The following ME3 variants were observed in gnomAD, a reference collection of about 807,000 sequenced individuals.
ME3 encodes the protein NADP-dependent malic enzyme, mitochondrial.
In ME3, 48 loss-of-function variants were observed where a neutral mutation model predicts 68.9. The observed-to-expected ratio is 0.70, with a 90% CI of 0.55 to 0.89. ME3 has a LOEUF of 0.89. ME3 is among the 40% of genes least tolerant of loss of function. The pLI is 0.00. For synonymous variants in ME3, 320 were observed against 318.8 expected (o/e 1.00, Z -0.04); for missense variants, 675 against 797.4 (o/e 0.85, Z 1.85).
chr11:86,579,569 C>T (rs2139599928), intron 2 of ME3, among the ~76,000 whole-genome samples: 1 of 152,338 alleles, frequency 6.6e-6, no homozygotes, highest in East Asian at 1.9e-4. Flanking sequence ...AGGCCATTAC[C>T]AGATGCTGAG....
rs148805532 is a variant in ME3 at position 86,524,318 on chromosome 11, T to C, written c.468-15451A>G. Among the ~76,000 whole-genome samples the C allele has an allele frequency of 1.9e-3, 284 of 152,312 alleles. 7 individuals carry two copies. The highest frequency in any genetic ancestry group is 3.4e-3 in the Middle Eastern group (1 of 294). On this transcript the variant is annotated intron_variant, in intron 4 of 14. Coordinates refer to ENST00000543262, the Ensembl canonical transcript of ME3. ...CCCCCTGACTCAGAGGCGCAGCCAA[T>C]GAGTCATTTATTTACATGTAACTAC...
intron 2 of ME3, among the ~76,000 whole-genome samples, chr11:86,666,017 G>T (rs1269278290): frequency 6.6e-6 from 1 of 152,190 alleles, no homozygotes; most frequent in Non-Finnish European, 1.5e-5. Context: ...AATTTTTAAA[G>T]GCTGGGGTAA....
chr11:86,551,792 C>T (rs904926616), intron 4 of ME3, among the ~76,000 whole-genome samples: 2 of 152,194 alleles, frequency 1.3e-5, no homozygotes, highest in Admixed American at 6.5e-5. Context: ...CAGCTTGGCT[C>T]AGGGCCAAGG....
chr11:86,609,199 A>G (rs1181855318), intron 2 of ME3, among the ~76,000 whole-genome samples: 1 of 152,222 alleles, frequency 6.6e-6, no homozygotes, highest in Non-Finnish European at 1.5e-5. Flanking sequence ...CTTTCTCATC[A>G]GAGGTGCAGG....
chr11:86,546,481 C>G (rs1276937617), intron 4 of ME3, among the ~76,000 whole-genome samples: 1 of 152,164 alleles, frequency 6.6e-6, no homozygotes, highest in Non-Finnish European at 1.5e-5. Flanking sequence ...AATAAACAGA[C>G]AACCCCATCA....
chr11:86,550,686 T>C (rs1956620954), intron 4 of ME3, among the ~76,000 whole-genome samples: 1 of 152,082 alleles, frequency 6.6e-6, no homozygotes, highest in Non-Finnish European at 1.5e-5. Context: ...AGTCCTTGCT[T>C]TCTGCTTGCC....
intron 2 of ME3, among the ~76,000 whole-genome samples, chr11:86,644,013 A>G (rs138036541): frequency 2.2e-3 from 329 of 152,252 alleles, no homozygotes; most frequent in African/African-American, 7.5e-3. Context: ...TAAAACACAA[A>G]TATTTGATTT....
At chr11:86,661,686 G>C (rs984132113) in intron 2 of ME3, among the ~76,000 whole-genome samples, 1 of 152,118 alleles carries the variant, frequency 6.6e-6, no homozygotes, top group Non-Finnish European at 1.5e-5. Context: ...ACTGCCATTG[G>C]AAGTGTTTCT....
At chr11:86,620,575 C>CTGCA (rs1334406305) in intron 2 of ME3, among the ~76,000 whole-genome samples, 4 of 152,182 alleles carry the variant, frequency 2.6e-5, no homozygotes, top group Admixed American at 2.6e-4. Flanking sequence ...TGGATTAAAA[C>CTGCA]TGCAGCACTA....
intron 5 of ME3, among the ~76,000 whole-genome samples, chr11:86,507,542 G>C (rs1953176359): frequency 6.6e-6 from 1 of 152,082 alleles, no homozygotes; most frequent in Non-Finnish European, 1.5e-5. Context: ...CTGCATTTTT[G>C]CCACACCCAT....
chr11:86,573,812 C>T (rs181673987), intron 2 of ME3, among the ~76,000 whole-genome samples: 1 of 152,192 alleles, frequency 6.6e-6, no homozygotes, highest in African/African-American at 2.4e-5. Flanking sequence ...TCCATCAATA[C>T]CTAGTTTATT....
At chr11:86,625,215 G>C (rs760281085) in intron 2 of ME3, among the ~76,000 whole-genome samples, 2 of 152,010 alleles carry the variant, frequency 1.3e-5, no homozygotes, top group African/African-American at 4.8e-5. Flanking sequence ...CGTTAACAAA[G>C]TATGTCCGAG....
At chr11:86,559,940 T>A (rs2139465597) in intron 2 of ME3, 117 bp from the exon 3 acceptor site, 4 of 1,084,274 alleles carry the variant, frequency 3.7e-6, no homozygotes, top group Middle Eastern at 2.2e-4. Flanking sequence ...GAAAGGGCCC[T>A]CAACTCAAAT....
intron 2 of ME3, among the ~76,000 whole-genome samples, chr11:86,578,190 C>G (rs1958226886): frequency 6.6e-6 from 1 of 152,104 alleles, no homozygotes; most frequent in South Asian, 2.1e-4. Context: ...CCCTCTCTTC[C>G]CAAGAGACTA....
chr11:86,467,373 A>T (rs1178028882), intron 7 of ME3, among the ~76,000 whole-genome samples: 2 of 152,162 alleles, frequency 1.3e-5, no homozygotes, highest in Non-Finnish European at 2.9e-5. Context: ...CCCACCATCC[A>T]GCCCTCTTTT....
rs146522381 is a variant in ME3, at chr11:86,599,475, T to C, written c.184-39652A>G. Among the ~76,000 whole-genome samples the C allele has an allele frequency of 3.5e-3, 527 of 152,312 alleles. 2 individuals are homozygous for C. Among genetic ancestry groups the C allele is most frequent in the Middle Eastern group, 0.014 (4 of 294 alleles). On this transcript the variant is annotated intron_variant, in intron 2 of 14. Coordinates refer to ENST00000543262, the Ensembl canonical transcript of ME3. ...CTGAAAAGACCAAATCTGCATCTGA[T>C]TGGTGTACCTGAAAGTGACGGGGAG...
At chr11:86,442,866 T>G in exon 14 of ME3, 10 of 1,613,602 alleles carry the variant, frequency 6.2e-6, no homozygotes, top group Non-Finnish European at 8.5e-6. Flanking sequence ...TGCTGAGTGG[T>G]GGGTAGAGTC....
chr11:86,602,524 A>T (rs1281450507), intron 2 of ME3, among the ~76,000 whole-genome samples: 1 of 152,108 alleles, frequency 6.6e-6, no homozygotes, highest in Admixed American at 6.5e-5. Context: ...AAATGGCCAT[A>T]CTGCCCAAGG....
At chr11:86,562,926 G>C (rs750216020) in intron 2 of ME3, among the ~76,000 whole-genome samples, 12 of 151,996 alleles carry the variant, frequency 7.9e-5, no homozygotes, top group Non-Finnish European at 1.5e-4. Context: ...TGTGGTATTT[G>C]GATTTCTGTT....
Sources: allele counts gnomAD v4.1 joint callset (sites outside exome capture counted in the v4.1 genomes callset), GRCh38; gene constraint gnomAD v4.1.1; transcripts MANE v1.5; gene names NCBI Gene and HGNC (gene_info 2026-07-23, HGNC 2026-07-21).